The following SHQ1 variants were observed in gnomAD, a reference collection of about 807,000 sequenced individuals.
SHQ1 encodes protein SHQ1 homolog.
A neutral mutation model predicts 53.8 loss-of-function variants in SHQ1; 49 were observed. The observed-to-expected ratio is 0.91, with a 90% CI of 0.72 to 1.16. SHQ1 has a LOEUF of 1.16. Ranked by LOEUF, SHQ1 falls within the 50% of genes most tolerant of loss-of-function variation. The pLI, the probability that SHQ1 is intolerant of heterozygous loss-of-function variation, is 0.00. For synonymous variants in SHQ1, 243 were observed against 251.0 expected, an observed-to-expected ratio of 0.97 and a Z score of 0.30; for missense variants, 738 against 683.1, an observed-to-expected ratio of 1.08 and a Z score of -0.90.
At chr3:72,735,328 C>T in the SHQ1 span, among the ~76,000 whole-genome samples, 278 of 148,876 alleles carry the variant, frequency 1.9e-3, 4 homozygotes, top group African/African-American at 6.5e-3. Context: ...ATTCATGTGC[C>T]TACAGTTGGC....
the SHQ1 span, among the ~76,000 whole-genome samples, chr3:72,739,792 G>A: frequency 3.3e-5 from 5 of 152,220 alleles, no homozygotes; most frequent in Admixed American, 6.5e-5. Context: ...TGGGGCAGGG[G>A]GCAGACCAAA....
intron 5 of SHQ1, among the ~76,000 whole-genome samples, chr3:72,825,595 T>C (rs946236830): frequency 6.6e-6 from 1 of 152,188 alleles, no homozygotes. Context: ...CCTCTCACTC[T>C]TGGAGGACAC....
intron 9 of SHQ1, among the ~76,000 whole-genome samples, chr3:72,797,780 C>T (rs1706671901): frequency 6.6e-6 from 1 of 152,172 alleles, no homozygotes; most frequent in African/African-American, 2.4e-5. Flanking sequence ...ATTCTCCTCC[C>T]AACAATATGC....
chr3:72,848,372 C>A lies in SHQ1; in HGVS notation c.-32G>T. The A allele has an allele frequency of 6.2e-7, 1 of 1,610,456 alleles. No individual in the cohort carries two copies. Among genetic ancestry groups the A allele is most frequent in the Non-Finnish European group, 8.5e-7 (1 of 1,178,012 alleles). On this transcript the variant is annotated 5_prime_UTR_variant, in exon 1 of 11. Transcript: ENST00000325599. Reference sequence around the variant, plus strand: ...ACCGGACGCAAGGGCCGGCGCCGCTCGCTCTCACTGCCGCCGCGTTCCCGC... The same window carrying A: ...ACCGGACGCAAGGGCCGGCGCCGCTAGCTCTCACTGCCGCCGCGTTCCCGC...
chr3:72,796,881 A>G (rs1008103387), intron 9 of SHQ1, among the ~76,000 whole-genome samples: 8 of 151,764 alleles, frequency 5.3e-5, no homozygotes, highest in African/African-American at 1.9e-4. Context: ...TTTTAATTTA[A>G]AGAGAAGAAA....
chr3:72,848,273 T>A lies in SHQ1; in HGVS notation c.68A>T (p.Tyr23Phe). Reference sequence around the variant, plus strand: ...GACGTCGAACTCGGAGACCCGGGCGTAGGGCACGCGGATGGCGATAGTCAG... The same window carrying A: ...GACGTCGAACTCGGAGACCCGGGCGAAGGGCACGCGGATGGCGATAGTCAG... ...DFLTIAIRVP[Y>F]ARVSEFDVYF... Residue 23 changes from tyrosine (Y) to phenylalanine (F), a missense_variant, in exon 1 of 11, where the codon TAC becomes TTC. Tyr to Phe is a conservative substitution (Grantham distance 22, BLOSUM62 3). Coordinates refer to ENST00000325599, the MANE Select transcript of SHQ1 (RefSeq NM_018130.3). 1 of 1,614,070 alleles carries A rather than the reference T, an allele frequency of 6.2e-7. No individual in the cohort carries two copies. Among genetic ancestry groups the A allele is most frequent in the Non-Finnish European group, 8.5e-7 (1 of 1,179,992 alleles).
chr3:72,847,326 T>C (rs1323507020), intron 1 of SHQ1, among the ~76,000 whole-genome samples: 1 of 152,142 alleles, frequency 6.6e-6, no homozygotes, highest in Admixed American at 6.5e-5. Context: ...AGGATGCAGC[T>C]ACACTTCAGA....
At chr3:72,785,534 C>T (rs1706205439) in intron 10 of SHQ1, among the ~76,000 whole-genome samples, 1 of 152,206 alleles carries the variant, frequency 6.6e-6, no homozygotes, top group Non-Finnish European at 1.5e-5. Context: ...GATTTCTTAT[C>T]TGACCCTATT....
downstream of SHQ1, among the ~76,000 whole-genome samples, chr3:72,748,934 G>A (rs943852326): frequency 1.3e-5 from 2 of 151,084 alleles, no homozygotes; most frequent in Admixed American, 1.3e-4. Flanking sequence ...CACTCTGGGA[G>A]ACAGCGTAAG....
chr3:72,829,185 G>A (rs1559693945), intron 5 of SHQ1, among the ~76,000 whole-genome samples: 1 of 152,172 alleles, frequency 6.6e-6, no homozygotes. Context: ...AATCAAGTTA[G>A]AAAATTCACA....
At chr3:72,836,284 T>C (rs1707991236) in intron 4 of SHQ1, among the ~76,000 whole-genome samples, 2 of 152,138 alleles carry the variant, frequency 1.3e-5, no homozygotes, top group African/African-American at 4.8e-5. Flanking sequence ...GGTCAGGAGA[T>C]AGAGATCATC....
intron 10 of SHQ1, 26 bp downstream of exon 10, chr3:72,792,890 T>C (rs778666293): frequency 6.3e-7 from 1 of 1,595,244 alleles, no homozygotes; most frequent in East Asian, 2.3e-5. Context: ...ATCTAAAAAT[T>C]CGTAAGTAAC....
At chr3:72,725,747 C>T in the SHQ1 span, among the ~76,000 whole-genome samples, 1 of 152,158 alleles carries the variant, frequency 6.6e-6, no homozygotes, top group Non-Finnish European at 1.5e-5. Flanking sequence ...CTTTGCAGTA[C>T]AGAGTCCAAG....
intron 1 of SHQ1, chr3:72,846,291 G>A (rs750086803): frequency 1.3e-6 from 2 of 1,510,452 alleles, no homozygotes; most frequent in East Asian, 2.5e-5. Flanking sequence ...ATAGCAAACT[G>A]TATGTTCTTT....
intron 10 of SHQ1, among the ~76,000 whole-genome samples, chr3:72,764,091 G>T (rs751521886): frequency 6.6e-6 from 1 of 151,744 alleles, no homozygotes; most frequent in Non-Finnish European, 1.5e-5. Context: ...GAGGGGAATA[G>T]ATTAGTTTGT....
chr3:72,784,908 A>G (rs1706178924), intron 10 of SHQ1, among the ~76,000 whole-genome samples: 1 of 152,196 alleles, frequency 6.6e-6, no homozygotes, highest in African/African-American at 2.4e-5. Context: ...AAATTACAGC[A>G]GTGTCTTCTT....
chr3:72,784,818 GATTT>G lies in SHQ1; in HGVS notation c.1181+8094_1181+8097del, dbSNP rs1706176844. Among the ~76,000 whole-genome samples, 14 of 152,284 alleles carry G rather than the reference GATTT, an allele frequency of 9.2e-5. No individual in the cohort carries two copies. The South Asian group carries it at 2.7e-3, about 29-fold the overall frequency. On this transcript the variant is annotated intron_variant, in intron 10 of 10. Transcript: ENST00000325599. ...CCCCAAAATCACCTTCCACTCTGTA[GATTT>G]ATTATAAACATCAGTGACTTGGGGG...
intron 6 of SHQ1, among the ~76,000 whole-genome samples, chr3:72,823,097 C>T (rs752813520): frequency 6.7e-6 from 1 of 148,214 alleles, no homozygotes; most frequent in Non-Finnish European, 1.5e-5. Context: ...TGCAGTAAGC[C>T]GACATTGTGC....
At chr3:72,790,402 G>C (rs1706398186) in intron 10 of SHQ1, among the ~76,000 whole-genome samples, 1 of 152,140 alleles carries the variant, frequency 6.6e-6, no homozygotes, top group African/African-American at 2.4e-5. Flanking sequence ...CAATTACCTG[G>C]TATTTCAAAC....
Sources: gnomAD v4.1 joint callset for allele counts (sites outside exome capture counted in the v4.1 genomes callset) on GRCh38, gnomAD v4.1.1 for gene constraint, MANE v1.5 for transcripts, NCBI Gene and HGNC (gene_info 2026-07-23, HGNC 2026-07-21) for gene names.